Variants in ZNF277 observed in about 807,000 individuals in gnomAD.
ZNF277 encodes nuclear receptor-interacting factor 4.
Under a neutral mutation model 60.7 loss-of-function variants are expected in ZNF277, and 55 were observed. The observed-to-expected ratio is 0.91, with a 90% confidence interval of 0.73 to 1.13. The LOEUF is 1.13. Ranked by LOEUF, ZNF277 falls within the 50% of genes most tolerant of loss-of-function variation. The pLI is 0.00. For synonymous variants in ZNF277, 178 were observed against 179.3 expected, an observed-to-expected ratio of 0.99 and a Z score of 0.06; for missense variants, 510 against 523.0, an observed-to-expected ratio of 0.98 and a Z score of 0.24.
intron 4 of ZNF277, among the ~76,000 whole-genome samples, chr7:112,313,591 CTG>C (rs1792779404): frequency 6.6e-6 from 1 of 152,050 alleles, no homozygotes; most frequent in Non-Finnish European, 1.5e-5. Context: ...CTATGTATCT[CTG>C]TATATATTTT....
rs528755224 is a variant in ZNF277, at chr7:112,302,817, G to A, written c.465+6506G>A. On this transcript the variant is annotated intron_variant, in intron 4 of 11. Coordinates refer to ENST00000361822, the MANE Select transcript of ZNF277 (RefSeq NM_021994.3). ...GACAGTAAGAAACATGCACACAACC[G>A]TGGTTATATACAGTGTTAAATAGAA... Among the ~76,000 whole-genome samples, 5 of 151,966 alleles carry A rather than the reference G, an allele frequency of 3.3e-5. 2 individuals carry two copies. Among genetic ancestry groups the A allele is most frequent in the Non-Finnish European group, 7.4e-5 (5 of 67,978 alleles).
At chr7:112,277,770 T>C (rs913925717) in intron 1 of ZNF277, among the ~76,000 whole-genome samples, 45 of 152,212 alleles carry the variant, frequency 3.0e-4, no homozygotes, top group African/African-American at 9.9e-4. Flanking sequence ...CCTATTTGTC[T>C]TATCATTATA....
intron 1 of ZNF277, among the ~76,000 whole-genome samples, chr7:112,245,925 T>C (rs910783122): frequency 6.6e-6 from 1 of 152,186 alleles, no homozygotes; most frequent in Non-Finnish European, 1.5e-5. Flanking sequence ...TAATAGCCAA[T>C]GTCAGAGTAT....
chr7:112,339,716 A>G, intron 9 of ZNF277, 127 bp from the exon 10 acceptor site: 3 of 873,332 alleles, frequency 3.4e-6, no homozygotes, highest in East Asian at 5.0e-5. Context: ...AGACTTCAAA[A>G]GCAGAAGATA....
intron 4 of ZNF277, among the ~76,000 whole-genome samples, chr7:112,297,631 G>A (rs918114867): frequency 6.6e-6 from 1 of 152,180 alleles, no homozygotes; most frequent in African/African-American, 2.4e-5. Flanking sequence ...CTGCAGTAAA[G>A]AAATAGGACT....
intron 1 of ZNF277, among the ~76,000 whole-genome samples, chr7:112,242,817 A>G (rs1402644449): frequency 6.6e-6 from 1 of 152,024 alleles, no homozygotes; most frequent in East Asian, 1.9e-4. Flanking sequence ...ATAAAAAAAG[A>G]TTTAAAAATT....
At chr7:112,313,873 T>A (rs1238822678) in intron 4 of ZNF277, among the ~76,000 whole-genome samples, 1 of 152,140 alleles carries the variant, frequency 6.6e-6, no homozygotes, top group Non-Finnish European at 1.5e-5. Flanking sequence ...TGATTTTCAG[T>A]AGAGCACTTA....
chr7:112,262,446 G>A (rs1248481900), intron 1 of ZNF277, among the ~76,000 whole-genome samples: 1 of 151,902 alleles, frequency 6.6e-6, no homozygotes, highest in African/African-American at 2.4e-5. Flanking sequence ...ATAGCAAACA[G>A]TATTTTTAGA....
chr7:112,256,486 G>A (rs1227531628), intron 1 of ZNF277, among the ~76,000 whole-genome samples: 1 of 137,932 alleles, frequency 7.2e-6, no homozygotes, highest in Non-Finnish European at 1.5e-5. Context: ...CTAGAGTGCA[G>A]TGGCACCATC....
At chr7:112,320,052 T>A (rs1468233338) in intron 5 of ZNF277, among the ~76,000 whole-genome samples, 1 of 152,152 alleles carries the variant, frequency 6.6e-6, no homozygotes, top group East Asian at 1.9e-4. Flanking sequence ...TATCGGCATA[T>A]GGGAAGCTAC....
chr7:112,243,383 A>G (rs1231854269), intron 1 of ZNF277, among the ~76,000 whole-genome samples: 1 of 151,880 alleles, frequency 6.6e-6, no homozygotes, highest in Non-Finnish European at 1.5e-5. Flanking sequence ...AATTAACAGA[A>G]TGAACAGACA....
intron 4 of ZNF277, among the ~76,000 whole-genome samples, chr7:112,305,600 T>G (rs1292519104): frequency 6.6e-6 from 1 of 151,082 alleles, no homozygotes; most frequent in Admixed American, 6.6e-5. Flanking sequence ...TAATGAGCCT[T>G]TAGGAAGTTT....
rs575110071 is a variant in ZNF277 at position 112,310,575 on chromosome 7, T to C, written c.466-7607T>C. On this transcript the variant is annotated intron_variant, in intron 4 of 11. Coordinates refer to ENST00000361822, the MANE Select transcript of ZNF277 (RefSeq NM_021994.3). Reference sequence around the variant, plus strand: ...TTACTCCCATTTCTATGCTACATTGTTCTGTAGCAGCTTGAAACATTTATT... The same window carrying C: ...TTACTCCCATTTCTATGCTACATTGCTCTGTAGCAGCTTGAAACATTTATT... Among the ~76,000 whole-genome samples, 6 of 152,178 alleles carry C rather than the reference T, an allele frequency of 3.9e-5. No individual in the cohort carries two copies. The South Asian group carries it at 1.2e-3, about 32-fold the overall frequency.
chr7:112,280,297 C>T (rs879484091), intron 1 of ZNF277, among the ~76,000 whole-genome samples: 8 of 152,044 alleles, frequency 5.3e-5, no homozygotes, highest in Non-Finnish European at 8.8e-5. Context: ...AGAAGCGCTT[C>T]CCTAGAATAA....
chr7:112,244,049 CAG>C (rs1333790708), intron 1 of ZNF277, among the ~76,000 whole-genome samples: 1 of 152,018 alleles, frequency 6.6e-6, no homozygotes, highest in Non-Finnish European at 1.5e-5. Flanking sequence ...AACTCAGAAA[CAG>C]AAAGTCAAAT....
chr7:112,250,613 G>A (rs1791183165), intron 1 of ZNF277, among the ~76,000 whole-genome samples: 1 of 152,128 alleles, frequency 6.6e-6, no homozygotes, highest in African/African-American at 2.4e-5. Context: ...TATTTCTCAA[G>A]CTGGCCAACG....
intron 1 of ZNF277, among the ~76,000 whole-genome samples, chr7:112,236,889 A>T (rs1422118132): frequency 2.0e-5 from 3 of 152,180 alleles, no homozygotes; most frequent in African/African-American, 7.2e-5. Flanking sequence ...GACCTAGGAG[A>T]CATTTACAGA....
intron 2 of ZNF277, among the ~76,000 whole-genome samples, chr7:112,289,294 C>T (rs997875418): frequency 1.3e-5 from 2 of 152,180 alleles, no homozygotes; most frequent in Non-Finnish European, 2.9e-5. Context: ...CATCTCTGTC[C>T]TTATTGCCTA....
Position 112,342,584 on chromosome 7 carries a change from A to G in ZNF277, c.1208A>G (p.Asn403Ser). 1.2e-6 allele frequency: 2 copies of G among 1,604,554 alleles called. No homozygotes were observed. Among genetic ancestry groups the G allele is most frequent in the Non-Finnish European group, 8.5e-7 (1 of 1,176,954 alleles). ...AGGTATTATTTTCCAACCTATGAAA[A>G]TGACACTCTCCTGTGTACACTATCT... ...QLEYYFPTYE[N>S]DTLLCTLSDS... Residue 403 changes from asparagine (N) to serine (S), a missense_variant, in exon 12 of 12, where the codon AAT becomes AGT. Physicochemically the swap from Asn to Ser is conservative, Grantham distance 46 (BLOSUM62 1). Transcript: ENST00000361822.
Sources: allele counts gnomAD v4.1 joint callset (sites outside exome capture counted in the v4.1 genomes callset), GRCh38; gene constraint gnomAD v4.1.1; transcripts MANE v1.5; gene names NCBI Gene and HGNC (gene_info 2026-07-23, HGNC 2026-07-21).